The following ADK variants were observed in gnomAD, a reference collection of about 807,000 sequenced individuals.
ADK encodes N6,N6-dimethyladenosine kinase.
A neutral mutation model predicts 44.7 loss-of-function variants in ADK; 24 were observed. The ratio of observed to expected loss-of-function variants is 0.54; its 90% CI spans 0.39 to 0.76. The LOEUF is 0.76. ADK is among the 30% of genes least tolerant of loss of function. The pLI is 0.00. For missense variants in ADK, 321 were observed against 425.1 expected (o/e 0.76, Z 2.15); for synonymous variants, 128 against 142.6 (o/e 0.90, Z 0.73).
chr10:74,619,454 C>CAA (rs778661291), intron 9 of ADK, among the ~76,000 whole-genome samples: 1 of 129,468 alleles, frequency 7.7e-6, no homozygotes. Context: ...GTCTCTGTCT[C>CAA]AAAAAAAAAA....
intron 10 of ADK, among the ~76,000 whole-genome samples, chr10:74,680,878 C>T (rs947769675): frequency 5.9e-5 from 9 of 152,102 alleles, no homozygotes; most frequent in Admixed American, 1.3e-4. Flanking sequence ...ATCCAATTAA[C>T]GTTGACATTT....
intron 3 of ADK, among the ~76,000 whole-genome samples, chr10:74,303,592 T>TTTTTG (rs1840146641): frequency 8.9e-6 from 1 of 112,162 alleles, no homozygotes; most frequent in East Asian, 2.2e-4. Flanking sequence ...AATGTTGTTT[T>TTTTTG]TTTTTTTTTT....
chr10:74,286,183 G>T (rs1847154494), intron 3 of ADK, among the ~76,000 whole-genome samples: 1 of 152,140 alleles, frequency 6.6e-6, no homozygotes, highest in Admixed American at 6.6e-5. Flanking sequence ...TTCCCAAGCA[G>T]CTAGGACTAC....
At chr10:74,319,767 T>C (rs1276468474) in intron 4 of ADK, among the ~76,000 whole-genome samples, 1 of 152,168 alleles carries the variant, frequency 6.6e-6, no homozygotes, top group Non-Finnish European at 1.5e-5. Flanking sequence ...CTTTTATTAT[T>C]TACCATTTGA....
intron 6 of ADK, among the ~76,000 whole-genome samples, chr10:74,438,405 T>A (rs77436066): frequency 1.0e-3 from 154 of 150,810 alleles, no homozygotes; most frequent in Non-Finnish European, 1.5e-3. Flanking sequence ...TTTTTTTTTT[T>A]ATCTTTAGTA....
chr10:74,675,995 C>A, intron 10 of ADK, among the ~76,000 whole-genome samples: 1 of 149,868 alleles, frequency 6.7e-6, no homozygotes, highest in Non-Finnish European at 1.5e-5. Flanking sequence ...ATATACAACT[C>A]TCAGATAAAA....
intron 6 of ADK, among the ~76,000 whole-genome samples, chr10:74,490,750 T>G (rs1213626260): frequency 6.6e-6 from 1 of 152,172 alleles, no homozygotes; most frequent in African/African-American, 2.4e-5. Flanking sequence ...GCCAGTCAGC[T>G]GATCTTTGTC....
At chr10:74,622,352 A>G (rs1853024047) in intron 9 of ADK, among the ~76,000 whole-genome samples, 1 of 152,120 alleles carries the variant, frequency 6.6e-6, no homozygotes, top group Non-Finnish European at 1.5e-5. Context: ...TTAGCTCTTT[A>G]AGATCCTCTT....
intron 4 of ADK, among the ~76,000 whole-genome samples, chr10:74,326,327 G>A (rs1274110897): frequency 6.6e-6 from 1 of 151,840 alleles, no homozygotes; most frequent in Non-Finnish European, 1.5e-5. Flanking sequence ...GGTAGGGTGT[G>A]TTGGCTTACG....
chr10:74,566,830 ATACTT>A (rs1433546865), intron 7 of ADK, among the ~76,000 whole-genome samples: 1 of 152,204 alleles, frequency 6.6e-6, no homozygotes, highest in Non-Finnish European at 1.5e-5. Flanking sequence ...TTTTAAAAAG[ATACTT>A]TACTTTTTAT....
At chr10:74,215,522 G>T (rs1591867948) in intron 2 of ADK, among the ~76,000 whole-genome samples, 1 of 151,906 alleles carries the variant, frequency 6.6e-6, no homozygotes, top group Admixed American at 6.6e-5. Flanking sequence ...ATGGGGTTTC[G>T]CTGTGTTGGC....
At chr10:74,634,110 T>C (rs1853536239) in intron 9 of ADK, among the ~76,000 whole-genome samples, 1 of 152,236 alleles carries the variant, frequency 6.6e-6, no homozygotes, top group African/African-American at 2.4e-5. Flanking sequence ...GTTTGGAATT[T>C]CATTCTAGCC....
intron 9 of ADK, among the ~76,000 whole-genome samples, chr10:74,628,033 C>T (rs1354042742): frequency 6.6e-6 from 1 of 152,152 alleles, no homozygotes; most frequent in Non-Finnish European, 1.5e-5. Flanking sequence ...TAATGGGGAT[C>T]ATTAGGTTTC....
At chr10:74,605,151 G>C (rs1852273642) in intron 9 of ADK, among the ~76,000 whole-genome samples, 1 of 152,196 alleles carries the variant, frequency 6.6e-6, no homozygotes, top group South Asian at 2.1e-4. Flanking sequence ...GGGCTGAGAT[G>C]CTGGGGTTTT....
At chr10:74,480,229 T>TCTTTC (rs1554865900) in intron 6 of ADK, among the ~76,000 whole-genome samples, 1 of 142,560 alleles carries the variant, frequency 7.0e-6, no homozygotes, top group South Asian at 2.2e-4. Context: ...TTTCTTTCTT[T>TCTTTC]TTTTTTTTTT....
rs559603957 is a variant in ADK at position 74,164,338 on chromosome 10, C to A, written c.65+12995C>A. Among the ~76,000 whole-genome samples the A allele has an allele frequency of 8.5e-5, 13 of 152,094 alleles. No individual in the cohort carries two copies. The East Asian group carries it at 2.5e-3, about 29-fold the overall frequency. Reference sequence around the variant, plus strand: ...ATCACTTGAGGTCAGGAGTTCGAGACCAGCCTGGCCAACATGTTGAAACCC... The same window carrying A: ...ATCACTTGAGGTCAGGAGTTCGAGAACAGCCTGGCCAACATGTTGAAACCC... On this transcript the variant is annotated intron_variant, in intron 1 of 10. Coordinates refer to ENST00000539909, the MANE Select transcript of ADK (RefSeq NM_006721.4).
At chr10:74,563,147 T>A (rs1222194020) in intron 7 of ADK, among the ~76,000 whole-genome samples, 1 of 152,156 alleles carries the variant, frequency 6.6e-6, no homozygotes, top group East Asian at 1.9e-4. Context: ...ACTACATCCT[T>A]GAATTCCTGG....
Position 74,284,827 on chromosome 10 carries a change from C to G in ADK, c.195-29840C>G, listed in dbSNP as rs139276731. Among the ~76,000 whole-genome samples, 144 of 152,320 alleles carry G rather than the reference C, an allele frequency of 9.5e-4. 1 individual carries two copies. In the Middle Eastern group the frequency reaches 0.01, roughly 11 times the overall value. ...TAAAGGGTCTTTTGCAGGACTTCCT[C>G]AAATTCGTCTTTTACAATGCTATAG... is the stretch of plus-strand genomic sequence containing the variant. On this transcript the variant is annotated intron_variant, in intron 3 of 10. Coordinates refer to ENST00000539909, the MANE Select transcript of ADK (RefSeq NM_006721.4).
intron 7 of ADK, among the ~76,000 whole-genome samples, chr10:74,535,380 T>C (rs1400202754): frequency 6.6e-6 from 1 of 151,974 alleles, no homozygotes; most frequent in African/African-American, 2.4e-5. Context: ...GGAGGATCGC[T>C]TGCACCTGGG....
Sources: allele counts gnomAD v4.1 joint callset (sites outside exome capture counted in the v4.1 genomes callset), GRCh38; gene constraint gnomAD v4.1.1; transcripts MANE v1.5; gene names NCBI Gene and HGNC (gene_info 2026-07-23, HGNC 2026-07-21).